The following GALNT14 variants were observed in gnomAD, a reference collection of about 807,000 sequenced individuals.
GALNT14 encodes UDP-GalNAc:polypeptide N-acetylgalactosaminyltransferase 14.
In GALNT14, 60 loss-of-function variants were observed where a neutral mutation model predicts 77.5. The observed-to-expected ratio is 0.77, with a 90% CI of 0.63 to 0.96. The LOEUF (loss-of-function observed/expected upper bound fraction) is 0.96, where lower values mean the gene tolerates loss of function less well. Among genes scored for constraint, GALNT14 ranks in the 40% least tolerant of loss-of-function variants. GALNT14 has a pLI of 0.00. For synonymous variants in GALNT14, 280 were observed against 281.7 expected (o/e 0.99, Z 0.06); for missense variants, 710 against 731.0 (o/e 0.97, Z 0.33).
intron 2 of GALNT14, among the ~76,000 whole-genome samples, chr2:30,978,009 C>CT (rs1241052054): frequency 1.3e-5 from 2 of 152,214 alleles, no homozygotes; most frequent in African/African-American, 4.8e-5. Flanking sequence ...ACTGCTCTCA[C>CT]TGTAGGACCC....
intron 11 of GALNT14, 81 bp from the exon 12 acceptor site, chr2:30,924,904 T>A (rs1281362450): frequency 1.7e-6 from 2 of 1,167,894 alleles, no homozygotes; most frequent in Non-Finnish European, 2.5e-6. Flanking sequence ...CAGTCCAGAC[T>A]GAGAACACAA....
intron 1 of GALNT14, among the ~76,000 whole-genome samples, chr2:31,050,523 T>C (rs1451723587): frequency 6.6e-6 from 1 of 152,044 alleles, no homozygotes; most frequent in African/African-American, 2.4e-5. Context: ...GAGCACTAAA[T>C]GCAACGTGGG....
intron 2 of GALNT14, 58 bp downstream of exon 2, chr2:30,992,780 G>C: frequency 1.9e-6 from 3 of 1,572,980 alleles, no homozygotes; most frequent in Non-Finnish European, 2.6e-6. Context: ...CCCAGATCAA[G>C]CCTGCTGTTG....
intron 1 of GALNT14, among the ~76,000 whole-genome samples, chr2:31,022,625 G>A (rs1284634379): frequency 3.3e-5 from 5 of 152,166 alleles, no homozygotes; most frequent in African/African-American, 9.7e-5. Context: ...AAGACTGGTG[G>A]GATGAAATTC....
chr2:31,059,578 T>C (rs1179483160), intron 1 of GALNT14, among the ~76,000 whole-genome samples: 1 of 152,106 alleles, frequency 6.6e-6, no homozygotes, highest in Non-Finnish European at 1.5e-5. Flanking sequence ...TGGTGGCACA[T>C]GCCTTGAGTC....
chr2:30,984,009 G>A (rs1275373754), intron 2 of GALNT14, among the ~76,000 whole-genome samples: 1 of 152,194 alleles, frequency 6.6e-6, no homozygotes, highest in African/African-American at 2.4e-5. Context: ...TGACCTAGGT[G>A]TGGAGTTAAT....
chr2:30,924,864 A>G (rs937618468), intron 11 of GALNT14, 41 bp from the exon 12 acceptor site: 3 of 1,573,510 alleles, frequency 1.9e-6, no homozygotes, highest in African/African-American at 1.3e-5. Flanking sequence ...AAGACAAAAC[A>G]CAGCTGTCAG....
At chr2:31,030,646 T>C (rs1318890567) in intron 1 of GALNT14, among the ~76,000 whole-genome samples, 1 of 152,142 alleles carries the variant, frequency 6.6e-6, no homozygotes, top group Admixed American at 6.5e-5. Context: ...CCGTGAGCCT[T>C]CCCACTGACC....
chr2:31,137,987 G>C lies in GALNT14; in HGVS notation c.100C>G (p.Pro34Ala). 1.2e-6 allele frequency: 2 copies of C among 1,613,712 alleles called. No individual in the cohort carries two copies. Among genetic ancestry groups the C allele is most frequent in the Non-Finnish European group, 1.7e-6 (2 of 1,179,752 alleles). Residue 34 changes from proline (P) to alanine (A), a missense_variant, in exon 1 of 15, where the codon CCG (proline) becomes GCG (alanine). Coordinates refer to ENST00000349752, the MANE Select transcript of GALNT14 (RefSeq NM_024572.4). The part of the protein sequence containing the change: ...FWVTKRKLEV[P>A]TGPEVQTPKP... Reference sequence around the variant, plus strand: ...GGGGTCTGCACTTCAGGTCCCGTCGGCACCTCCAACTTCCTCTTGGTTACC... The same window carrying C: ...GGGGTCTGCACTTCAGGTCCCGTCGCCACCTCCAACTTCCTCTTGGTTACC...
intron 1 of GALNT14, among the ~76,000 whole-genome samples, chr2:31,066,613 C>T (rs1331304977): frequency 1.3e-5 from 2 of 152,108 alleles, no homozygotes; most frequent in Non-Finnish European, 1.5e-5. Context: ...TCATCATCCC[C>T]AGGATCCCAG....
chr2:31,087,339 G>A (rs1272761264), intron 1 of GALNT14, among the ~76,000 whole-genome samples: 2 of 152,148 alleles, frequency 1.3e-5, no homozygotes, highest in Admixed American at 6.5e-5. Flanking sequence ...TGACACAGCT[G>A]AATATAAGAG....
chr2:31,094,697 A>G (rs962657607), intron 1 of GALNT14, among the ~76,000 whole-genome samples: 1 of 152,202 alleles, frequency 6.6e-6, no homozygotes, highest in East Asian at 1.9e-4. Flanking sequence ...CTATTAAGTA[A>G]TTTCCCAAAG....
chr2:30,905,031 A>T, the GALNT14 span, among the ~76,000 whole-genome samples: 1 of 152,200 alleles, frequency 6.6e-6, no homozygotes, highest in Non-Finnish European at 1.5e-5. Flanking sequence ...TAACAAACAG[A>T]AAGGACATCC....
chr2:31,071,652 C>T (rs916153580), intron 1 of GALNT14, among the ~76,000 whole-genome samples: 1 of 152,122 alleles, frequency 6.6e-6, no homozygotes, highest in African/African-American at 2.4e-5. Flanking sequence ...CAGGAATCTG[C>T]CCCCCGGTTT....
At chr2:31,010,925 CA>C (rs1195713485) in intron 1 of GALNT14, among the ~76,000 whole-genome samples, 1 of 152,208 alleles carries the variant, frequency 6.6e-6, no homozygotes, top group African/African-American at 2.4e-5. Context: ...ATTTTGCCTA[CA>C]AAAAACTTTC....
chr2:31,009,882 G>T (rs1670909242), intron 1 of GALNT14, among the ~76,000 whole-genome samples: 1 of 152,130 alleles, frequency 6.6e-6, no homozygotes, highest in Admixed American at 6.5e-5. Flanking sequence ...CCTCCATCCA[G>T]CCACCCTCCT....
intron 1 of GALNT14, among the ~76,000 whole-genome samples, chr2:31,034,221 C>T (rs1426391339): frequency 6.6e-6 from 1 of 152,196 alleles, no homozygotes; most frequent in African/African-American, 2.4e-5. Context: ...TGACCCTCTA[C>T]GCCACTATTC....
intron 1 of GALNT14, among the ~76,000 whole-genome samples, chr2:31,015,658 C>T (rs12987759): frequency 0.22 from 33,901 of 152,064 alleles, 4,548 homozygotes; most frequent in African/African-American, 0.36. Context: ...ATCACATATC[C>T]CCTATAAGGA....
intron 9 of GALNT14, among the ~76,000 whole-genome samples, chr2:30,935,957 A>G (rs1166425972): frequency 6.6e-6 from 1 of 152,108 alleles, no homozygotes; most frequent in African/African-American, 2.4e-5. Context: ...GGGAGGAGGG[A>G]ACAAAAAAGA....
Sources: allele counts gnomAD v4.1 joint callset (sites outside exome capture counted in the v4.1 genomes callset), GRCh38; gene constraint gnomAD v4.1.1; transcripts MANE v1.5; gene names NCBI Gene and HGNC (gene_info 2026-07-23, HGNC 2026-07-21).